CERS6: variants seen among roughly 807,000 people sequenced by gnomAD.
CERS6 encodes ceramide synthase 6, also known as LAG1 homolog, ceramide synthase 6.
In CERS6, 26 loss-of-function variants were observed where a neutral mutation model predicts 56.8. The observed-to-expected ratio is 0.46, with a 90% CI of 0.34 to 0.63. The LOEUF is 0.63. Ranked by LOEUF, CERS6 falls within the 30% of genes least tolerant of loss-of-function variation. The pLI is 0.01. For missense variants in CERS6, 415 were observed against 467.5 expected, an observed-to-expected ratio of 0.89 and a Z score of 1.04; for synonymous variants, 164 against 173.3, an observed-to-expected ratio of 0.95 and a Z score of 0.42.
At chr2:168,492,481 T>G (rs1469866600) in intron 1 of CERS6, among the ~76,000 whole-genome samples, 1 of 152,210 alleles carries the variant, frequency 6.6e-6, no homozygotes, top group Non-Finnish European at 1.5e-5. Context: ...TTCTTGTAAA[T>G]TTGTGTAAGT....
intron 9 of CERS6, among the ~76,000 whole-genome samples, chr2:168,768,428 T>C (rs1412150866): frequency 1.3e-5 from 2 of 151,342 alleles, no homozygotes; most frequent in Non-Finnish European, 2.9e-5. Context: ...AGACTGGGCT[T>C]CTCCATGTTG....
At chr2:168,760,766 A>ATTTTATTTTTT (rs1553517053) in intron 8 of CERS6, among the ~76,000 whole-genome samples, 1 of 127,120 alleles carries the variant, frequency 7.9e-6, no homozygotes, top group African/African-American at 2.6e-5. Context: ...TTATTTATTT[A>ATTTTATTTTTT]TTTTTTTGAG....
At chr2:168,523,505 T>C (rs915123771) in intron 1 of CERS6, among the ~76,000 whole-genome samples, 5 of 151,978 alleles carry the variant, frequency 3.3e-5, no homozygotes, top group African/African-American at 1.2e-4. Flanking sequence ...GAGGTGGTCG[T>C]TGGGTGGAAG....
chr2:168,654,520 G>A (rs1289024405), intron 4 of CERS6, among the ~76,000 whole-genome samples: 1 of 152,126 alleles, frequency 6.6e-6, no homozygotes, highest in East Asian at 1.9e-4. Flanking sequence ...TCCAGCCTGG[G>A]TGACAAGAGT....
chr2:168,718,828 G>T (rs1687291531), intron 8 of CERS6, among the ~76,000 whole-genome samples: 1 of 152,156 alleles, frequency 6.6e-6, no homozygotes, highest in South Asian at 2.1e-4. Flanking sequence ...ATATAAAAGA[G>T]CTTTGTCAGA....
At chr2:168,522,973 CATTT>C (rs1695008169) in intron 1 of CERS6, among the ~76,000 whole-genome samples, 1 of 152,182 alleles carries the variant, frequency 6.6e-6, no homozygotes, top group African/African-American at 2.4e-5. Flanking sequence ...AATAGTCAAA[CATTT>C]ATTATGTGCC....
At chr2:168,546,738 A>G (rs1282490664) in intron 1 of CERS6, among the ~76,000 whole-genome samples, 2 of 152,256 alleles carry the variant, frequency 1.3e-5, no homozygotes, top group Non-Finnish European at 2.9e-5. Flanking sequence ...ATTAAATGTT[A>G]CTACTGAAAA....
intron 3 of CERS6, among the ~76,000 whole-genome samples, chr2:168,569,963 C>A (rs561949965): frequency 3.9e-5 from 6 of 152,216 alleles, no homozygotes; most frequent in Non-Finnish European, 8.8e-5. Context: ...TGAAGGTTGT[C>A]GGTTTCTGTT....
intron 8 of CERS6, among the ~76,000 whole-genome samples, chr2:168,725,530 C>T (rs915758712): frequency 2.0e-5 from 3 of 152,254 alleles, no homozygotes; most frequent in African/African-American, 4.8e-5. Flanking sequence ...GATAGTTTCA[C>T]TGTTGATACA....
intron 1 of CERS6, among the ~76,000 whole-genome samples, chr2:168,513,564 T>C (rs1164533740): frequency 6.6e-6 from 1 of 152,162 alleles, no homozygotes; most frequent in Non-Finnish European, 1.5e-5. Context: ...ATCATGGGTT[T>C]GGGGAGGAAG....
chr2:168,567,406 T>C (rs1323272148), intron 3 of CERS6, among the ~76,000 whole-genome samples: 2 of 152,230 alleles, frequency 1.3e-5, no homozygotes, highest in Non-Finnish European at 2.9e-5. Context: ...ATATGGACTT[T>C]GTTGCAATTA....
At chr2:168,465,689 A>G (rs530701188) in intron 1 of CERS6, among the ~76,000 whole-genome samples, 2 of 152,326 alleles carry the variant, frequency 1.3e-5, no homozygotes, top group East Asian at 3.9e-4. Context: ...AGTCAGATTC[A>G]TAGACACAGG....
intron 1 of CERS6, among the ~76,000 whole-genome samples, chr2:168,515,899 G>A (rs1694876241): frequency 6.6e-6 from 1 of 152,176 alleles, no homozygotes; most frequent in Admixed American, 6.5e-5. Context: ...TCATGGAGAT[G>A]ACTGTCCCTT....
intron 4 of CERS6, among the ~76,000 whole-genome samples, chr2:168,642,007 C>T (rs1027080099): frequency 1.3e-5 from 2 of 152,062 alleles, no homozygotes; most frequent in Non-Finnish European, 2.9e-5. Flanking sequence ...TGAGAATTCT[C>T]ATTATCTCTT....
chr2:168,617,750 A>G (rs1684352941), intron 3 of CERS6, among the ~76,000 whole-genome samples: 1 of 152,188 alleles, frequency 6.6e-6, no homozygotes, highest in South Asian at 2.1e-4. Context: ...AAAGCTTAGC[A>G]ACAAAAAAAA....
chr2:168,608,451 A>G (rs1684106628), intron 3 of CERS6, among the ~76,000 whole-genome samples: 1 of 152,202 alleles, frequency 6.6e-6, no homozygotes, highest in Admixed American at 6.5e-5. Context: ...GAACATGAAT[A>G]TCTAAGAAAT....
rs555182702 is a variant in CERS6, at chr2:168,633,075, T to C, written c.465+2033T>C. Among the ~76,000 whole-genome samples, 5 of 152,164 alleles carry C rather than the reference T, an allele frequency of 3.3e-5. No homozygotes were observed. The East Asian group carries it at 9.7e-4, about 29-fold the overall frequency. ...ACGAGGCAGTAAGAGGAACTGTCAG[T>C]AGAGTGTTTCCTTGGAAATTATTTT... is the stretch of plus-strand genomic sequence containing the variant. On this transcript the variant is annotated intron_variant, in intron 4 of 9. Coordinates refer to ENST00000305747, the MANE Select transcript of CERS6 (RefSeq NM_203463.3).
chr2:168,466,040 C>T (rs1182809065), intron 1 of CERS6, among the ~76,000 whole-genome samples: 1 of 150,686 alleles, frequency 6.6e-6, no homozygotes. Flanking sequence ...CTTAATTCCC[C>T]TCAAATCTAG....
At chr2:168,645,140 T>TAGAGAG (rs1258824707) in intron 4 of CERS6, among the ~76,000 whole-genome samples, 1 of 23,646 alleles carries the variant, frequency 4.2e-5, no homozygotes. Context: ...TATATATATA[T>TAGAGAG]ATAGAGAGAG....
Sources: allele counts gnomAD v4.1 joint callset (sites outside exome capture counted in the v4.1 genomes callset), GRCh38; gene constraint gnomAD v4.1.1; transcripts MANE v1.5; gene names NCBI Gene and HGNC (gene_info 2026-07-23, HGNC 2026-07-21).